ALMS1: variants seen among roughly 807,000 people sequenced by gnomAD.
ALMS1 encodes ALMS1 centrosome and basal body associated protein, also known as centrosome-associated protein ALMS1.
ALMS1 carries 271 observed loss-of-function variants against 352.2 expected under a neutral mutation model. The ratio of observed to expected loss-of-function variants is 0.77; its 90% confidence interval spans 0.70 to 0.85. The LOEUF is 0.85. ALMS1 is among the 40% of genes least tolerant of loss of function. ALMS1 has a pLI of 0.00. For synonymous variants in ALMS1, 1,865 were observed against 1,761.2 expected, an observed-to-expected ratio of 1.06 and a Z score of -1.48; for missense variants, 5,445 against 4,870.7, an observed-to-expected ratio of 1.12 and a Z score of -3.51.
At chr2:73,465,314 A>G (rs1672309940) in intron 9 of ALMS1, among the ~76,000 whole-genome samples, 1 of 152,192 alleles carries the variant, frequency 6.6e-6, no homozygotes, top group Non-Finnish European at 1.5e-5. Flanking sequence ...AACAGAACAG[A>G]GCCCTCAGAA....
chr2:73,468,283 G>C (rs1672398587), intron 9 of ALMS1, among the ~76,000 whole-genome samples: 1 of 151,678 alleles, frequency 6.6e-6, no homozygotes, highest in African/African-American at 2.4e-5. Context: ...TAAGTACATA[G>C]AGAAATACAC....
At chr2:73,400,137 G>T (rs1670845508) in intron 1 of ALMS1, among the ~76,000 whole-genome samples, 1 of 151,624 alleles carries the variant, frequency 6.6e-6, no homozygotes, top group South Asian at 2.1e-4. Context: ...GGCAGAGGGG[G>T]GTCTCACTTT....
At chr2:73,588,987 T>C (rs1675365832) in intron 16 of ALMS1, among the ~76,000 whole-genome samples, 1 of 152,140 alleles carries the variant, frequency 6.6e-6, no homozygotes, top group Non-Finnish European at 1.5e-5. Flanking sequence ...ATACATATTA[T>C]AATCCAAATA....
intron 2 of ALMS1, 117 bp downstream of exon 2, chr2:73,408,864 CTTTTTTTTT>C (rs58686365): frequency 0.042 from 7,930 of 188,502 alleles, 233 homozygotes; most frequent in Admixed American, 0.19. Context: ...GTTTTCTTGT[CTTTTTTTTT>C]TTTTTTTTTT....
At chr2:73,541,662 G>T (rs190815767) in intron 12 of ALMS1, among the ~76,000 whole-genome samples, 17 of 151,884 alleles carry the variant, frequency 1.1e-4, no homozygotes, top group African/African-American at 4.1e-4. Context: ...TCAAATAGAC[G>T]CAATAAAAAA....
intron 15 of ALMS1, among the ~76,000 whole-genome samples, chr2:73,560,205 T>G (rs1028927167): frequency 6.6e-6 from 1 of 152,170 alleles, no homozygotes; most frequent in African/African-American, 2.4e-5. Context: ...AACAACTTAT[T>G]TTTAAAAACA....
intron 12 of ALMS1, among the ~76,000 whole-genome samples, chr2:73,541,486 T>C (rs1483495490): frequency 1.3e-5 from 2 of 152,040 alleles, no homozygotes; most frequent in African/African-American, 4.8e-5. Flanking sequence ...AGCAAACACA[T>C]TCAAAAGCTA....
chr2:73,487,807 G>A (rs1048956625), intron 9 of ALMS1, among the ~76,000 whole-genome samples: 7 of 152,102 alleles, frequency 4.6e-5, no homozygotes, highest in African/African-American at 1.2e-4. Context: ...TCATCCTGAT[G>A]ACTGTCCATC....
At chr2:73,401,074 A>G (rs964188094) in intron 1 of ALMS1, among the ~76,000 whole-genome samples, 10 of 152,214 alleles carry the variant, frequency 6.6e-5, no homozygotes, top group African/African-American at 2.2e-4. Context: ...AGAGTGAGCT[A>G]CCATACCTGG....
chr2:73,410,798 A>G (rs1437424087), intron 2 of ALMS1, among the ~76,000 whole-genome samples: 1 of 151,172 alleles, frequency 6.6e-6, no homozygotes, highest in African/African-American at 2.5e-5. Flanking sequence ...TATTGGAGGA[A>G]AAATGTTATT....
chr2:73,586,707 C>G (rs1675321087), intron 16 of ALMS1, among the ~76,000 whole-genome samples: 1 of 152,078 alleles, frequency 6.6e-6, no homozygotes, highest in African/African-American at 2.4e-5. Context: ...GTTCTTTTTG[C>G]TTAGTCATGC....
At chr2:73,538,352 A>G (rs542539826) in intron 12 of ALMS1, among the ~76,000 whole-genome samples, 6 of 152,318 alleles carry the variant, frequency 3.9e-5, no homozygotes, top group Admixed American at 3.9e-4. Context: ...AACCATAGTA[A>G]GATACCACTT....
intron 12 of ALMS1, among the ~76,000 whole-genome samples, chr2:73,539,889 G>A (rs566913942): frequency 1.3e-5 from 2 of 152,178 alleles, no homozygotes; most frequent in African/African-American, 2.4e-5. Context: ...CCAAATCTAC[G>A]TCTGATTGGT....
rs1672966047 is a variant in ALMS1, at chr2:73,490,827, A to G, written c.8868A>G (p.Ile2956Met). The G allele has an allele frequency of 6.2e-7, 1 of 1,614,062 alleles. No individual in the cohort carries two copies. Among genetic ancestry groups the G allele is most frequent in the Non-Finnish European group, 8.5e-7 (1 of 1,180,016 alleles). The change falls in exon 10 of 23, where the codon ATA becomes ATG. Residue 2956 changes from isoleucine (I) to methionine (M), a missense_variant. By Grantham distance (10) the Ile-to-Met change is conservative. Transcript: ENST00000613296. ...CCCTTCCTCAAGGTCAGGATTCTAT[A>G]GCTTCAGACCTTCCGTCTCCCATTT... ...HSPLPQGQDS[I>M]ASDLPSPISL... is the part of the protein sequence containing the mutation.
At chr2:73,520,389 T>C (rs1296586771) in intron 11 of ALMS1, among the ~76,000 whole-genome samples, 4 of 152,188 alleles carry the variant, frequency 2.6e-5, no homozygotes, top group Admixed American at 6.6e-5. Context: ...ATATAGTGCG[T>C]ATATAGGGAG....
At chr2:73,486,203 C>T (rs1238749718) in intron 9 of ALMS1, among the ~76,000 whole-genome samples, 1 of 151,954 alleles carries the variant, frequency 6.6e-6, no homozygotes, top group East Asian at 1.9e-4. Context: ...CTAGCAGATA[C>T]AAGACCTTTG....
chr2:73,498,176 C>G (rs1179732097), intron 10 of ALMS1, among the ~76,000 whole-genome samples: 1 of 151,730 alleles, frequency 6.6e-6, no homozygotes, highest in Non-Finnish European at 1.5e-5. Context: ...TTACTTTTTG[C>G]TGGTGGCAGT....
At chr2:73,562,301 G>A (rs1225836729) in intron 15 of ALMS1, among the ~76,000 whole-genome samples, 1 of 152,084 alleles carries the variant, frequency 6.6e-6, no homozygotes, top group Admixed American at 6.5e-5. Context: ...GAGTAGCTGG[G>A]ACTGTAGGCA....
chr2:73,603,864 A>G, intron 21 of ALMS1: 1 of 153,598 alleles, frequency 6.5e-6, no homozygotes, highest in Admixed American at 6.5e-5. Flanking sequence ...CATCTCAAAA[A>G]AATTAAAAAA....
Sources: gnomAD v4.1 joint callset for allele counts (sites outside exome capture counted in the v4.1 genomes callset) on GRCh38, gnomAD v4.1.1 for gene constraint, MANE v1.5 for transcripts, NCBI Gene and HGNC (gene_info 2026-07-23, HGNC 2026-07-21) for gene names.